GLRA2: variants seen among roughly 807,000 people sequenced by gnomAD.
GLRA2 encodes the protein glycine receptor subunit alpha-2.
In GLRA2, 11 loss-of-function variants were observed where a neutral mutation model predicts 31.6. That is an observed-to-expected ratio of 0.35 (90% CI 0.22 to 0.58). GLRA2 has a LOEUF of 0.58. Among genes scored for constraint, GLRA2 ranks in the 20% least tolerant of loss-of-function variants. The probability of loss-of-function intolerance (pLI) is 0.84; values close to 1 mark genes in which losing one functional copy is unlikely to be tolerated. For synonymous variants in GLRA2, 132 were observed against 134.0 expected, an observed-to-expected ratio of 0.99 and a Z score of 0.10; for missense variants, 212 against 351.8, an observed-to-expected ratio of 0.60 and a Z score of 3.18.
the GLRA2 span, among the ~76,000 whole-genome samples, chrX:14,515,496 G>A: frequency 2.7e-5 from 3 of 111,313 alleles, no homozygotes; most frequent in Non-Finnish European, 5.7e-5. Flanking sequence ...CACTTGATAC[G>A]TGTTAGATCT....
chrX:14,666,901 C>G (rs1220800716), intron 7 of GLRA2, among the ~76,000 whole-genome samples: 2 of 112,057 alleles, frequency 1.8e-5, no homozygotes, highest in Non-Finnish European at 3.8e-5. Flanking sequence ...GGGTTTATCA[C>G]CACTCTAACT....
chrX:14,537,584 G>C (rs2089343171), intron 2 of GLRA2, among the ~76,000 whole-genome samples: 1 of 110,797 alleles, frequency 9.0e-6, no homozygotes, highest in Non-Finnish European at 1.9e-5. Context: ...TTCTAACCTA[G>C]CTTGCTATTA....
chrX:14,460,054 C>A, the GLRA2 span, among the ~76,000 whole-genome samples: 1 of 111,712 alleles, frequency 9.0e-6, no homozygotes, highest in Non-Finnish European at 1.9e-5. Flanking sequence ...TCCATCAATA[C>A]CTAGTTTATT....
At position 14,604,309 on chromosome X, in the gene GLRA2, G is replaced by C. The variant is rs747504101; in HGVS notation, c.495-6G>C. 1.8e-6 allele frequency: 2 copies of C among 1,109,493 alleles called. No homozygotes were observed. The highest frequency in any genetic ancestry group is 2.5e-6 in the Non-Finnish European group (2 of 813,847). 91.4% of individuals were successfully genotyped at this position (1,109,493 alleles called of 1,213,427 possible). A position where few individuals can be genotyped will look rare whatever the true frequency, so the allele number is the denominator to read the frequency against. Reference sequence around the variant, plus strand: ...ATGGTTTTTAATTTTTTTTTTGTTTGCTAAGACTCACCTTGACCTTATCCT... The same window carrying C: ...ATGGTTTTTAATTTTTTTTTTGTTTCCTAAGACTCACCTTGACCTTATCCT... On this transcript the variant is annotated splice_region_variant and splice_polypyrimidine_tract_variant and intron_variant, in intron 4 of 8. Coordinates refer to ENST00000218075, the MANE Select transcript of GLRA2 (RefSeq NM_002063.4).
At chrX:14,521,102 TGA>T in the GLRA2 span, among the ~76,000 whole-genome samples, 1 of 112,676 alleles carries the variant, frequency 8.9e-6, no homozygotes, top group Non-Finnish European at 1.9e-5. Context: ...GGTCTCACTT[TGA>T]GAGAGAGACT....
At chrX:14,600,903 T>C (rs1471518495) in intron 4 of GLRA2, among the ~76,000 whole-genome samples, 2 of 110,728 alleles carry the variant, frequency 1.8e-5, no homozygotes, top group Non-Finnish European at 3.8e-5. Context: ...CTTTGAAAAA[T>C]AGAAAAAAAA....
chrX:14,701,442 G>A (rs1452219730), intron 8 of GLRA2, among the ~76,000 whole-genome samples: 1 of 111,432 alleles, frequency 9.0e-6, no homozygotes, highest in Non-Finnish European at 1.9e-5. Context: ...ACTAAGCCTA[G>A]CACCCCTCTG....
intron 2 of GLRA2, among the ~76,000 whole-genome samples, chrX:14,559,886 C>G (rs2089703588): frequency 9.0e-6 from 1 of 111,395 alleles, no homozygotes; most frequent in South Asian, 3.8e-4. Context: ...GATTAAATGA[C>G]TTAAATTCTC....
At chrX:14,509,894 G>T in the GLRA2 span, among the ~76,000 whole-genome samples, 1 of 111,749 alleles carries the variant, frequency 8.9e-6, no homozygotes, top group East Asian at 2.8e-4. Flanking sequence ...TGTGCTAGAG[G>T]TGATTCCATT....
intron 2 of GLRA2, among the ~76,000 whole-genome samples, chrX:14,566,255 A>C (rs1283626075): frequency 7.1e-5 from 8 of 112,331 alleles, no homozygotes; most frequent in Non-Finnish European, 1.1e-4. Context: ...GATGAAATTA[A>C]AAATCTCAAC....
intron 7 of GLRA2, among the ~76,000 whole-genome samples, chrX:14,676,286 ATAAT>A (rs1463818667): frequency 1.8e-5 from 2 of 113,018 alleles, no homozygotes; most frequent in African/African-American, 3.2e-5. Context: ...ATTGTGGAGA[ATAAT>A]TAAACATTGA....
chrX:14,626,546 C>T (rs2090590848), intron 7 of GLRA2, among the ~76,000 whole-genome samples: 1 of 111,752 alleles, frequency 8.9e-6, no homozygotes, highest in African/African-American at 3.2e-5. Context: ...CACATTCCTC[C>T]TCAGCACACT....
At chrX:14,683,062 A>T (rs1340778411) in intron 7 of GLRA2, among the ~76,000 whole-genome samples, 1 of 112,068 alleles carries the variant, frequency 8.9e-6, no homozygotes, top group Admixed American at 9.4e-5. Flanking sequence ...TTGGGTATAT[A>T]CCCAGTAATG....
At chrX:14,454,660 A>ATTTTGGT in the GLRA2 span, among the ~76,000 whole-genome samples, 1 of 110,041 alleles carries the variant, frequency 9.1e-6, no homozygotes, top group East Asian at 2.9e-4. Context: ...CCACTGTACC[A>ATTTTGGT]TTTTGGTTGC....
chrX:14,683,815 T>C (rs954029712), intron 7 of GLRA2, among the ~76,000 whole-genome samples: 3 of 110,711 alleles, frequency 2.7e-5, no homozygotes, highest in Middle Eastern at 4.6e-3. Context: ...TCCTATTTAA[T>C]GCAGTGCACC....
chrX:14,725,817 A>C (rs1460742129), intron 8 of GLRA2, among the ~76,000 whole-genome samples: 1 of 112,392 alleles, frequency 8.9e-6, no homozygotes, highest in Non-Finnish European at 1.9e-5. Context: ...AATTTCAAGC[A>C]AATTGCACAG....
At chrX:14,602,172 G>A (rs2090282659) in intron 4 of GLRA2, among the ~76,000 whole-genome samples, 1 of 111,241 alleles carries the variant, frequency 9.0e-6, no homozygotes, top group Admixed American at 9.5e-5. Flanking sequence ...AGAGCAAGAG[G>A]TGTGCATCAT....
chrX:14,646,054 A>G lies in GLRA2; in HGVS notation c.930+36849A>G. ...AATTACATTATCCTAAGAAATAAAA[A>G]TAGCCAATTTAATTGCATGCCAATT... On this transcript the variant is annotated intron_variant, in intron 7 of 8. Transcript: ENST00000218075. Among the ~76,000 whole-genome samples, 3 of 112,432 alleles carry G rather than the reference A, an allele frequency of 2.7e-5. 1 individual carries two copies. The Admixed American group carries it at 2.8e-4, about 11-fold the overall frequency.
intron 7 of GLRA2, among the ~76,000 whole-genome samples, chrX:14,620,171 T>A (rs1437406255): frequency 3.6e-5 from 4 of 110,305 alleles, no homozygotes; most frequent in Non-Finnish European, 7.6e-5. Flanking sequence ...ATCAAAGATA[T>A]AATAATAAAA....
Sources: allele counts gnomAD v4.1 joint callset (sites outside exome capture counted in the v4.1 genomes callset), GRCh38; gene constraint gnomAD v4.1.1; transcripts MANE v1.5; gene names NCBI Gene and HGNC (gene_info 2026-07-23, HGNC 2026-07-21).